The following EYS variants were observed in gnomAD, a reference collection of about 807,000 sequenced individuals.
The protein encoded by EYS is protein eyes shut homolog.
In EYS, 250 loss-of-function variants were observed where a neutral mutation model predicts 282.1. The observed-to-expected ratio is 0.89, with a 90% confidence interval of 0.80 to 0.98. The LOEUF is 0.98. Among genes scored for constraint, EYS ranks in the 50% least tolerant of loss-of-function variants. EYS has a pLI of 0.00. For missense variants in EYS, 4,016 were observed against 3,709.0 expected (o/e 1.08, Z -2.15); for synonymous variants, 1,355 against 1,282.9 (o/e 1.06, Z -1.20).
At chr6:64,681,474 A>AAG (rs1198626688) in intron 22 of EYS, among the ~76,000 whole-genome samples, 19 of 152,210 alleles carry the variant, frequency 1.2e-4, no homozygotes, top group African/African-American at 3.9e-4. Context: ...TGTTTGATGT[A>AAG]GCTCAAAATG....
At chr6:64,272,949 C>T (rs1249213599) in intron 30 of EYS, among the ~76,000 whole-genome samples, 2 of 151,992 alleles carry the variant, frequency 1.3e-5, no homozygotes, top group Non-Finnish European at 1.5e-5. Flanking sequence ...TTGATTTTCA[C>T]CAGACTAAAA....
chr6:63,808,042 G>T (rs900761083), intron 36 of EYS, among the ~76,000 whole-genome samples: 1 of 152,112 alleles, frequency 6.6e-6, no homozygotes, highest in Non-Finnish European at 1.5e-5. Context: ...GTTACATTTA[G>T]GCTAGATTGA....
chr6:65,345,405 T>G (rs986057260), intron 9 of EYS, among the ~76,000 whole-genome samples: 3 of 151,804 alleles, frequency 2.0e-5, no homozygotes, highest in Non-Finnish European at 2.9e-5. Context: ...TTAATTGATA[T>G]GTGTTCCTCC....
At chr6:64,377,273 A>C (rs747625987) in intron 29 of EYS, among the ~76,000 whole-genome samples, 7 of 152,180 alleles carry the variant, frequency 4.6e-5, no homozygotes, top group Non-Finnish European at 1.0e-4. Flanking sequence ...GAATCCAAAG[A>C]AACATATTAG....
At chr6:64,896,775 C>T (rs1333793773) in intron 18 of EYS, among the ~76,000 whole-genome samples, 1 of 151,988 alleles carries the variant, frequency 6.6e-6, no homozygotes, top group African/African-American at 2.4e-5. Context: ...GGAGGGGCGT[C>T]TGCCATTATT....
intron 13 of EYS, among the ~76,000 whole-genome samples, chr6:65,056,391 T>A (rs947415760): frequency 1.4e-4 from 22 of 152,060 alleles, no homozygotes; most frequent in African/African-American, 4.6e-4. Context: ...TTAAATGAAG[T>A]CTACCAGCCT....
chr6:64,404,407 G>A (rs1773639363), intron 28 of EYS, among the ~76,000 whole-genome samples: 1 of 150,994 alleles, frequency 6.6e-6, no homozygotes, highest in Non-Finnish European at 1.5e-5. Context: ...GTGTGTGTGT[G>A]TGTGTGCACG....
chr6:65,667,857 ATGAAGATGC>A (rs1409528904), intron 1 of EYS, among the ~76,000 whole-genome samples: 2 of 151,932 alleles, frequency 1.3e-5, no homozygotes, highest in Non-Finnish European at 2.9e-5. Flanking sequence ...ATATGCTAAT[ATGAAGATGC>A]TGATGTTCAA....
At chr6:65,302,369 C>A (rs1224123107) in intron 11 of EYS, among the ~76,000 whole-genome samples, 1 of 152,112 alleles carries the variant, frequency 6.6e-6, no homozygotes, top group African/African-American at 2.4e-5. Flanking sequence ...TGAGAGCAAT[C>A]AGCTAATGAT....
At position 63,766,819 on chromosome 6, in the gene EYS, G is replaced by C. The variant is rs140177597; in HGVS notation, c.7899-4186C>G. On this transcript the variant is annotated intron_variant, in intron 40 of 42. Coordinates refer to ENST00000503581, the MANE Select transcript of EYS (RefSeq NM_001142800.2). ...GTGGAAATGTTGGGACCATGAAAGA[G>C]TATGGTGTTGTTAGTGAAATAGGGA... Among the ~76,000 whole-genome samples the C allele has an allele frequency of 4.2e-3, 645 of 152,060 alleles. 7 individuals carry two copies. Among genetic ancestry groups the C allele is most frequent in the African/African-American group, 0.015 (619 of 41,512 alleles).
intron 22 of EYS, among the ~76,000 whole-genome samples, chr6:64,660,805 A>G (rs1768982444): frequency 6.6e-6 from 1 of 152,212 alleles, no homozygotes; most frequent in Non-Finnish European, 1.5e-5. Context: ...GAAAATGGCC[A>G]TACAGCCCAA....
intron 35 of EYS, among the ~76,000 whole-genome samples, chr6:63,878,961 T>C (rs1773055458): frequency 6.6e-6 from 1 of 152,112 alleles, no homozygotes; most frequent in Non-Finnish European, 1.5e-5. Flanking sequence ...CCATGGGCTG[T>C]ACCCAGTGTG....
rs1768779251 is a variant in EYS, at chr6:64,933,033, C to A, written c.2381+12760G>T. 2.0e-5 allele frequency among the ~76,000 whole-genome samples: 3 copies of A among 152,016 alleles called. No homozygotes were observed. The South Asian group carries it at 6.2e-4, about 32-fold the overall frequency. ...CAAAGAAATAAAAGTATGGGCCATG[C>A]ACAGAAATAAAACCAGTAAATAGAA... On this transcript the variant is annotated intron_variant, in intron 15 of 42. Coordinates refer to ENST00000503581, the MANE Select transcript of EYS (RefSeq NM_001142800.2).
At chr6:64,712,270 C>T (rs994476894) in intron 22 of EYS, among the ~76,000 whole-genome samples, 18 of 152,118 alleles carry the variant, frequency 1.2e-4, no homozygotes, top group African/African-American at 3.9e-4. Context: ...AGAATATATA[C>T]GAGCTGTAGC....
chr6:65,284,107 A>C (rs1768295278), intron 12 of EYS, among the ~76,000 whole-genome samples: 1 of 152,020 alleles, frequency 6.6e-6, no homozygotes, highest in African/African-American at 2.4e-5. Flanking sequence ...GAAATGGCAC[A>C]TTTCCTGTGT....
chr6:63,887,780 G>T (rs757590841), intron 35 of EYS, among the ~76,000 whole-genome samples: 2 of 152,092 alleles, frequency 1.3e-5, no homozygotes, highest in African/African-American at 4.8e-5. Context: ...TCATACCCCA[G>T]TGGTACCTGG....
intron 12 of EYS, among the ~76,000 whole-genome samples, chr6:65,268,423 A>C (rs896432867): frequency 1.3e-5 from 2 of 152,120 alleles, no homozygotes; most frequent in Non-Finnish European, 2.9e-5. Flanking sequence ...AGTAAACAAT[A>C]GTTATGATGT....
At chr6:64,341,191 T>C (rs1771095229) in intron 29 of EYS, among the ~76,000 whole-genome samples, 1 of 151,776 alleles carries the variant, frequency 6.6e-6, no homozygotes, top group Non-Finnish European at 1.5e-5. Context: ...AACCCAGCAA[T>C]CCCATTACTG....
At chr6:63,777,733 T>G in intron 40 of EYS, 1 of 323,846 alleles carries the variant, frequency 3.1e-6, no homozygotes, top group Non-Finnish European at 5.8e-6. Flanking sequence ...CTCTCAATAG[T>G]ATGGATTTAA....
Sources: gnomAD v4.1 joint callset for allele counts (sites outside exome capture counted in the v4.1 genomes callset) on GRCh38, gnomAD v4.1.1 for gene constraint, MANE v1.5 for transcripts, NCBI Gene and HGNC (gene_info 2026-07-23, HGNC 2026-07-21) for gene names.